The following CEP83 variants were observed in gnomAD, a reference collection of about 807,000 sequenced individuals.
CEP83 encodes the protein centrosomal protein 83, also known as centrosomal protein of 83 kDa.
A neutral mutation model predicts 101.9 loss-of-function variants in CEP83; 70 were observed. That is an observed-to-expected ratio of 0.69 (90% confidence interval 0.57 to 0.84). The LOEUF (loss-of-function observed/expected upper bound fraction) is 0.84. CEP83 is among the 40% of genes least tolerant of loss of function. The pLI is 0.00. For synonymous variants in CEP83, 264 were observed against 267.9 expected, an observed-to-expected ratio of 0.99 and a Z score of 0.14; for missense variants, 715 against 787.2, an observed-to-expected ratio of 0.91 and a Z score of 1.10.
At position 94,448,272 on chromosome 12, in the gene CEP83, T is replaced by A. The variant is rs182311304; in HGVS notation, c.-155+11285A>T. On this transcript the variant is annotated intron_variant, in intron 1 of 16. Transcript: ENST00000397809. ...TATATCAGGAAGATATAACAATAACTGTCCATCTAACCAAAGAACCCCAAA... is the reference window on the plus strand; with the variant it reads ...TATATCAGGAAGATATAACAATAACAGTCCATCTAACCAAAGAACCCCAAA... Among the ~76,000 whole-genome samples, 122 of 152,120 alleles carry A rather than the reference T, an allele frequency of 8.0e-4. 1 individual carries two copies. The highest frequency in any genetic ancestry group is 2.0e-3 in the Admixed American group (30 of 15,282).
intron 11 of CEP83, among the ~76,000 whole-genome samples, chr12:94,358,705 T>G (rs978603137): frequency 2.0e-5 from 3 of 152,216 alleles, no homozygotes; most frequent in Non-Finnish European, 2.9e-5. Context: ...ACAGCCAGGA[T>G]TGCCTTCTCC....
chr12:94,459,042 T>C (rs1473435698), intron 1 of CEP83, among the ~76,000 whole-genome samples: 5 of 152,196 alleles, frequency 3.3e-5, no homozygotes, highest in African/African-American at 1.2e-4. Flanking sequence ...AGACAAGTCT[T>C]TCCTTATCCT....
intron 13 of CEP83, among the ~76,000 whole-genome samples, chr12:94,332,703 A>G (rs890366823): frequency 1.3e-5 from 2 of 152,186 alleles, no homozygotes; most frequent in African/African-American, 4.8e-5. Context: ...TGCTATGGAC[A>G]TTTATCTTGC....
At chr12:94,411,939 C>T in intron 3 of CEP83, 92 bp from the exon 4 acceptor site, 1 of 974,650 alleles carries the variant, frequency 1.0e-6, no homozygotes. Context: ...CACAGAAAAA[C>T]AAGACCAATA....
intron 14 of CEP83, among the ~76,000 whole-genome samples, chr12:94,323,378 TG>T: frequency 6.6e-6 from 1 of 152,272 alleles, no homozygotes; most frequent in Non-Finnish European, 1.5e-5. Flanking sequence ...GGGGATCTCC[TG>T]ACCTGTGGGT....
the CEP83 span, among the ~76,000 whole-genome samples, chr12:94,266,932 C>T: frequency 6.6e-6 from 1 of 152,222 alleles, no homozygotes; most frequent in African/African-American, 2.4e-5. Flanking sequence ...GAATCAGAAT[C>T]TCTGGGGAGG....
chr12:94,427,562 T>C (rs1186008150), intron 2 of CEP83, among the ~76,000 whole-genome samples: 1 of 152,194 alleles, frequency 6.6e-6, no homozygotes, highest in Non-Finnish European at 1.5e-5. Context: ...TTTTAAGCAG[T>C]GAGTAGTACA....
the CEP83 span, among the ~76,000 whole-genome samples, chr12:94,274,083 A>G: frequency 0.23 from 33,154 of 146,100 alleles, 3,802 homozygotes; most frequent in Admixed American, 0.29. Flanking sequence ...CACTTTGGGA[A>G]GCCAAGGTGG....
intron 6 of CEP83, among the ~76,000 whole-genome samples, chr12:94,395,142 A>G (rs61054601): frequency 0.011 from 1,624 of 152,212 alleles, 26 homozygotes; most frequent in African/African-American, 0.037. Flanking sequence ...AAGGATTATA[A>G]ATTATGCTAC....
intron 6 of CEP83, among the ~76,000 whole-genome samples, chr12:94,391,913 A>G (rs190172208): frequency 2.1e-3 from 322 of 152,312 alleles, no homozygotes; most frequent in Non-Finnish European, 3.5e-3. Context: ...TCAATGGCAA[A>G]GGGATCAATT....
At chr12:94,333,325 A>G (rs1332998262) in intron 13 of CEP83, among the ~76,000 whole-genome samples, 157 bp downstream of exon 13, 1 of 152,198 alleles carries the variant, frequency 6.6e-6, no homozygotes, top group Non-Finnish European at 1.5e-5. Context: ...CTATAAAAAC[A>G]TAAAGTACAT....
chr12:94,427,911 T>C (rs547380143), intron 2 of CEP83, among the ~76,000 whole-genome samples: 4 of 152,248 alleles, frequency 2.6e-5, no homozygotes, highest in African/African-American at 7.2e-5. Flanking sequence ...AAGTCACAAC[T>C]TGACGCCCTG....
At chr12:94,447,925 T>C (rs1056108808) in intron 1 of CEP83, among the ~76,000 whole-genome samples, 4 of 151,412 alleles carry the variant, frequency 2.6e-5, no homozygotes, top group African/African-American at 9.7e-5. Context: ...ATGAGACAAA[T>C]AGAAAACAAA....
chr12:94,376,747 ATTTTT>A (rs55973264), intron 7 of CEP83, among the ~76,000 whole-genome samples: 5 of 120,170 alleles, frequency 4.2e-5, no homozygotes, highest in African/African-American at 1.5e-4. Flanking sequence ...ATATATATAT[ATTTTT>A]TTTTTGAGAC....
intron 14 of CEP83, among the ~76,000 whole-genome samples, chr12:94,327,761 A>C (rs1267147019): frequency 6.6e-6 from 1 of 152,162 alleles, no homozygotes; most frequent in East Asian, 1.9e-4. Context: ...CTTCATTCCT[A>C]TATTCCAAGC....
intron 11 of CEP83, among the ~76,000 whole-genome samples, chr12:94,343,350 A>G (rs1384827353): frequency 5.3e-5 from 8 of 151,914 alleles, no homozygotes; most frequent in African/African-American, 1.9e-4. Flanking sequence ...GGGTGCCTCA[A>G]TTGCTTTACC....
At chr12:94,387,864 T>A (rs2062244591) in intron 6 of CEP83, among the ~76,000 whole-genome samples, 1 of 149,810 alleles carries the variant, frequency 6.7e-6, no homozygotes, top group Non-Finnish European at 1.5e-5. Context: ...AAATGCAAAT[T>A]AAAAAACACA....
At chr12:94,446,410 T>A (rs945847001) in intron 1 of CEP83, among the ~76,000 whole-genome samples, 5 of 152,154 alleles carry the variant, frequency 3.3e-5, no homozygotes, top group Non-Finnish European at 7.4e-5. Flanking sequence ...CAAGAACCTA[T>A]CAATAATGTT....
intron 14 of CEP83, among the ~76,000 whole-genome samples, chr12:94,320,913 G>T (rs940763900): frequency 5.3e-5 from 8 of 152,028 alleles, no homozygotes; most frequent in Admixed American, 4.6e-4. Flanking sequence ...AGTTCCTGTT[G>T]GTCTCTCTAG....
Sources: allele counts gnomAD v4.1 joint callset (sites outside exome capture counted in the v4.1 genomes callset), GRCh38; gene constraint gnomAD v4.1.1; transcripts MANE v1.5; gene names NCBI Gene and HGNC (gene_info 2026-07-23, HGNC 2026-07-21).